ZNF483: variants seen among roughly 807,000 people sequenced by gnomAD.
The protein encoded by ZNF483 is zinc finger protein HIT-10.
Under a neutral mutation model 28.6 loss-of-function variants are expected in ZNF483, and 9 were observed. That is an observed-to-expected ratio of 0.32 (90% CI 0.19 to 0.55). ZNF483 has a LOEUF of 0.55. Among genes scored for constraint, ZNF483 ranks in the 20% least tolerant of loss-of-function variants. The pLI is 0.93. For missense variants in ZNF483, 675 were observed against 871.7 expected (o/e 0.77, Z 2.84); for synonymous variants, 322 against 306.2 (o/e 1.05, Z -0.54).
In ZNF483 at chr9:111,525,213, C is replaced by T. The variant is rs1827154900; in HGVS notation, c.-178C>T. 1 of 152,262 alleles carries T rather than the reference C, an allele frequency of 6.6e-6. No homozygotes were observed. Among genetic ancestry groups the T allele is most frequent in the African/African-American group, 2.4e-5 (1 of 41,452 alleles). The allele number at this position is 152,262 out of a possible 1,614,324, so 9.4% of individuals were successfully genotyped here. A position where few individuals can be genotyped will look rare whatever the true frequency, so the allele number is the denominator to read the frequency against. The stretch of plus-strand genomic sequence containing the variant: ...CGCGCACTCGCTGCGGGACAAGCTT[C>T]TGGAAGCTCTTTGCGGTGGCGTTGG... On this transcript the variant is annotated 5_prime_UTR_variant, in exon 1 of 6. Transcript: ENST00000309235.
At chr9:111,570,990 G>A (rs1041320722) in intron 5 of ZNF483, among the ~76,000 whole-genome samples, 14 of 152,292 alleles carry the variant, frequency 9.2e-5, no homozygotes, top group African/African-American at 3.4e-4. Flanking sequence ...AGAGGAAGGG[G>A]CCACATGCCA....
chr9:111,545,347 C>T lies in ZNF483; in HGVS notation c.*2177C>T, dbSNP rs10980934. ...TTCCAAGATGATTACTCTTAGACTC[C>T]CTAACATTCATAACAATGTTTTATC... On this transcript the variant is annotated 3_prime_UTR_variant, in exon 6 of 6. Transcript: ENST00000309235. Among the ~76,000 whole-genome samples the T allele has an allele frequency of 0.072, 10,997 of 152,108 alleles. 618 individuals are homozygous for T. Among genetic ancestry groups the T allele is most frequent in the East Asian group, 0.26 (1,358 of 5,186 alleles).
chr9:111,539,751 A>G (rs1273737694), intron 5 of ZNF483: 1 of 172,824 alleles, frequency 5.8e-6, no homozygotes, highest in African/African-American at 2.4e-5. Context: ...ACAAGAGCAA[A>G]ACTCCGTCTC....
downstream of ZNF483, among the ~76,000 whole-genome samples, chr9:111,560,065 G>T (rs1183768578): frequency 1.3e-5 from 2 of 152,090 alleles, no homozygotes; most frequent in East Asian, 3.9e-4. Context: ...GCCGGGCATG[G>T]TGGCTTATGC....
downstream of ZNF483, among the ~76,000 whole-genome samples, chr9:111,558,642 C>T (rs1195932082): frequency 6.6e-6 from 1 of 152,154 alleles, no homozygotes; most frequent in Non-Finnish European, 1.5e-5. Flanking sequence ...TAGATAAGTT[C>T]ATTGCTATTG....
At chr9:111,563,383 T>C (rs1828398885) in intron 5 of ZNF483, 1 of 693,460 alleles carries the variant, frequency 1.4e-6, no homozygotes, top group Admixed American at 3.0e-5. Context: ...GAAGTCAAGG[T>C]GGGGCAAGAT....
At position 111,544,366 on chromosome 9, in the gene ZNF483, G is replaced by A; in HGVS notation, c.*1196G>A. 1 of 983,806 alleles carries A rather than the reference G, an allele frequency of 1.0e-6. No individual in the cohort carries two copies. Among genetic ancestry groups the A allele is most frequent in the Non-Finnish European group, 1.2e-6 (1 of 828,716 alleles). The allele number at this position is 983,806 out of a possible 1,614,324, so 60.9% of individuals were successfully genotyped here. On this transcript the variant is annotated 3_prime_UTR_variant, in exon 6 of 6. Transcript: ENST00000309235. ...TGTGTGCATGTGTGTGTGTGTGTGT[G>A]TGTGTGTATACATTGTTGCCACTAT...
In ZNF483 at chr9:111,541,929, T is replaced by A; in HGVS notation, c.994T>A (p.Tyr332Asn). ...RVYLRKKSRR[Y>N]NESKKPFSFH... ...CTACTTGAGGAAGAAATCTCGGAGGTATAATGAAAGCAAGAAACCCTTCAG... is the reference window on the plus strand; with the variant it reads ...CTACTTGAGGAAGAAATCTCGGAGGAATAATGAAAGCAAGAAACCCTTCAG... Residue 332 changes from tyrosine (Y) to asparagine (N), a missense_variant, in exon 6 of 6, where the codon TAT becomes AAT. Tyr to Asn is a moderately radical substitution (Grantham distance 143). Transcript: ENST00000309235. The A allele has an allele frequency of 6.2e-7, 1 of 1,614,002 alleles. No individual in the cohort carries two copies. Among genetic ancestry groups the A allele is most frequent in the Non-Finnish European group, 8.5e-7 (1 of 1,180,016 alleles).
At chr9:111,559,476 G>A (rs1466766284), downstream of ZNF483, among the ~76,000 whole-genome samples, 1 of 151,906 alleles carries the variant, frequency 6.6e-6, no homozygotes, top group Non-Finnish European at 1.5e-5. Flanking sequence ...TACACCATCT[G>A]GGAAACCCTG....
intron 5 of ZNF483, among the ~76,000 whole-genome samples, chr9:111,541,388 C>G (rs572900318): frequency 8.6e-4 from 131 of 152,134 alleles, no homozygotes; most frequent in African/African-American, 3.1e-3. Flanking sequence ...CGTGCCCATC[C>G]TAAACCTCTT....
chr9:111,544,323 T>C lies in ZNF483; in HGVS notation c.*1153T>C, dbSNP rs553628437. On this transcript the variant is annotated 3_prime_UTR_variant, in exon 6 of 6. Coordinates refer to ENST00000309235, the MANE Select transcript of ZNF483 (RefSeq NM_133464.5). ...GTGTGGCAACAGTTAAAAGCTGTTA[T>C]AACAATTTGCTTGGGTGTGTGTGCA... is the stretch of plus-strand genomic sequence containing the variant. 13 of 984,250 alleles carry C rather than the reference T, an allele frequency of 1.3e-5. No homozygotes were observed. The highest frequency in any genetic ancestry group is 4.7e-5 in the South Asian group (1 of 21,254). The allele number at this position is 984,250 out of a possible 1,614,324, so 61.0% of individuals were successfully genotyped here.
At position 111,550,353 on chromosome 9, in the gene ZNF483, A is replaced by G. The variant is rs1827904290; in HGVS notation, c.*7183A>G. ...TCTTTCTCTGTGATCAGAAGTAGAT[A>G]TCTGCAATCAGAACCCTGATATTTG... On this transcript the variant is annotated 3_prime_UTR_variant, in exon 6 of 6. Transcript: ENST00000309235. 6.6e-6 allele frequency among the ~76,000 whole-genome samples: 1 copy of G among 152,196 alleles called. No homozygotes were observed. Among genetic ancestry groups the G allele is most frequent in the Non-Finnish European group, 1.5e-5 (1 of 68,020 alleles).
At chr9:111,569,697 G>A (rs1198801946) in intron 5 of ZNF483, among the ~76,000 whole-genome samples, 7 of 152,150 alleles carry the variant, frequency 4.6e-5, no homozygotes, top group African/African-American at 9.7e-5. Context: ...CCCAGGAGGC[G>A]GAGGTTGCCG....
chr9:111,566,202 C>A (rs568418769), intron 5 of ZNF483, among the ~76,000 whole-genome samples: 1 of 150,960 alleles, frequency 6.6e-6, no homozygotes, highest in African/African-American at 2.5e-5. Context: ...GCCTCCATGT[C>A]AAAAATAAAT....
intron 2 of ZNF483, among the ~76,000 whole-genome samples, chr9:111,529,221 AT>A (rs1160079390): frequency 6.6e-6 from 1 of 152,138 alleles, no homozygotes; most frequent in Non-Finnish European, 1.5e-5. Flanking sequence ...TGATTACGTA[AT>A]TCTAATTCTT....
At position 111,555,411 on chromosome 9, in the gene ZNF483, C is replaced by G. The variant is rs1395845004; in HGVS notation, c.*12241C>G. Among the ~76,000 whole-genome samples, 1 of 152,128 alleles carries G rather than the reference C, an allele frequency of 6.6e-6. No homozygotes were observed. Among genetic ancestry groups the G allele is most frequent in the African/African-American group, 2.4e-5 (1 of 41,416 alleles). On this transcript the variant is annotated 3_prime_UTR_variant, in exon 6 of 6. Coordinates refer to ENST00000309235, the MANE Select transcript of ZNF483 (RefSeq NM_133464.5). ...TAAATCTTTCCATATTTCATTAGTA[C>G]CCCATCAGAAGGCCGTTGTGCTATT...
chr9:111,564,984 C>T (rs1355876299), intron 5 of ZNF483, among the ~76,000 whole-genome samples: 3 of 151,948 alleles, frequency 2.0e-5, no homozygotes, highest in South Asian at 2.1e-4. Context: ...ATTAGCCAGG[C>T]GTGGTGGCGT....
intron 5 of ZNF483, among the ~76,000 whole-genome samples, chr9:111,566,860 G>A (rs1399450676): frequency 6.6e-6 from 1 of 152,088 alleles, no homozygotes. Flanking sequence ...GTTAAAAGAT[G>A]ATTAATTGCT....
intron 5 of ZNF483, among the ~76,000 whole-genome samples, chr9:111,535,707 C>G (rs1827475854): frequency 1.3e-5 from 2 of 151,834 alleles, no homozygotes; most frequent in African/African-American, 2.4e-5. Flanking sequence ...CCACGCCAAG[C>G]TAATTTTTTT....
Sources: allele counts gnomAD v4.1 joint callset (sites outside exome capture counted in the v4.1 genomes callset), GRCh38; gene constraint gnomAD v4.1.1; transcripts MANE v1.5; gene names NCBI Gene and HGNC (gene_info 2026-07-23, HGNC 2026-07-21).